The following RENBP variants were observed in gnomAD, a reference collection of about 807,000 sequenced individuals.
RENBP encodes the protein N-acylglucosamine 2-epimerase.
A neutral mutation model predicts 37.8 loss-of-function variants in RENBP; 16 were observed. The ratio of observed to expected loss-of-function variants is 0.42; its 90% CI spans 0.29 to 0.64. The LOEUF (loss-of-function observed/expected upper bound fraction) is 0.64, where lower values mean the gene tolerates loss of function less well. Among genes scored for constraint, RENBP ranks in the 30% least tolerant of loss-of-function variants. The pLI, the probability that RENBP is intolerant of heterozygous loss-of-function variation, is 0.19. For synonymous variants in RENBP, 170 were observed against 154.8 expected (o/e 1.10, Z -0.73); for missense variants, 347 against 379.5 (o/e 0.91, Z 0.71).
intron 9 of RENBP, 116 bp from the exon 10 acceptor site, chrX:153,935,692 C>A: frequency 1.8e-6 from 1 of 551,354 alleles, no homozygotes; most frequent in Non-Finnish European, 3.1e-6. Flanking sequence ...CCAGAACCAG[C>A]GATCTTAACC....
Position 153,942,891 on chromosome X carries a change from C to T in RENBP, c.651G>A (p.Gly217=). The T allele has an allele frequency of 8.3e-7, 1 of 1,211,146 alleles. No homozygotes were observed. The highest frequency in any genetic ancestry group is 1.1e-6 in the Non-Finnish European group (1 of 895,107). ...EELAGKYAEL[G]DWCARRILQH... is the part of the protein sequence containing the mutation. ...GCAGAATCCTCCGGGCGCACCAGTC[C>T]CCCAGCTCTGCGTATTTGCCCGCCA... Residue 217 remains glycine, a synonymous_variant, in exon 6 of 11, where the codon GGG becomes GGA. Coordinates refer to ENST00000393700, the MANE Select transcript of RENBP (RefSeq NM_002910.6).
In RENBP at chrX:153,944,624, C is replaced by T. The variant is rs1258290058; in HGVS notation, c.-14G>A. On this transcript the variant is annotated 5_prime_UTR_variant, in exon 1 of 11. Coordinates refer to ENST00000393700, the MANE Select transcript of RENBP (RefSeq NM_002910.6). ...ACCCTTGCTCATCCCTCCTGCTCCT[C>T]TAGGAAGCCAGACAGAGTTGGTCGC... The T allele has an allele frequency of 3.4e-6, 4 of 1,163,663 alleles. No homozygotes were observed. Among genetic ancestry groups the T allele is most frequent in the African/African-American group, 3.6e-5 (2 of 55,412 alleles).
intron 9 of RENBP, among the ~76,000 whole-genome samples, chrX:153,938,212 G>A (rs1299900593): frequency 8.9e-6 from 1 of 112,294 alleles, no homozygotes; most frequent in Non-Finnish European, 1.9e-5. Context: ...AAGTAGTGAC[G>A]AATATATGTG....
At position 153,943,615 on chromosome X, in the gene RENBP, G is replaced by A; in HGVS notation, c.393C>T (p.Ile131=). The A allele has an allele frequency of 8.3e-7, 1 of 1,211,690 alleles. No individual in the cohort carries two copies. Among genetic ancestry groups the A allele is most frequent in the South Asian group, 1.8e-5 (1 of 57,037 alleles). ...CCATGGTGTAGAAACACTCACTGAA[G>A]ATGGTTCGCTGCACCTTGACCGGGC... is the stretch of plus-strand genomic sequence containing the variant. ...DGRPVKVQRT[I]FSECFYTMAM... is the part of the protein sequence containing the mutation. Residue 131 remains isoleucine (I), a synonymous_variant, in exon 5 of 11, where the codon ATC becomes ATT. Transcript: ENST00000393700.
rs1557109517 is a variant in RENBP at position 153,941,566 on chromosome X, A to T, written c.857T>A (p.Phe286Tyr). Residue 286 changes from phenylalanine to tyrosine, a missense_variant, in exon 8 of 11, where the codon TTC (phenylalanine) becomes TAC (tyrosine). Physicochemically the swap from Phe to Tyr is conservative, Grantham distance 22. Transcript: ENST00000393700. ...PELRAHVIDK[F>Y]LLLPFHSGWD... is the part of the protein sequence containing the mutation. ...TCCGGAGTGGAAGGGCAACAATAGG[A>T]ACTTGTCAATCACGTGGGCTCGAAG... The T allele has an allele frequency of 8.3e-7, 1 of 1,209,873 alleles. No homozygotes were observed. Among genetic ancestry groups the T allele is most frequent in the South Asian group, 1.8e-5 (1 of 56,898 alleles).
chrX:153,941,926 C>CCCG, intron 7 of RENBP, 24 bp downstream of exon 7: 3 of 680,611 alleles, frequency 4.4e-6, no homozygotes, highest in Non-Finnish European at 7.3e-6. Flanking sequence ...TCCTGGGTGG[C>CCCG]CCCCAGCCCA....
At chrX:153,937,256 T>C (rs2065207715) in intron 9 of RENBP, 1 of 112,641 alleles carries the variant, frequency 8.9e-6, no homozygotes, top group Non-Finnish European at 1.8e-5. Flanking sequence ...ACTAGTTCTG[T>C]GTGTATTCAT....
intron 7 of RENBP, 106 bp downstream of exon 7, chrX:153,941,831 TCCTCGCTCCTCTG>T (rs1262690697): frequency 8.7e-5 from 67 of 772,692 alleles, no homozygotes; most frequent in Non-Finnish European, 1.3e-4. Context: ...GGGAAGCCCA[TCCTCGCTCCTCTG>T]CCTCCTCAAG....
At chrX:153,941,769 T>A in intron 7 of RENBP, 116 bp from the exon 8 acceptor site, 1 of 742,126 alleles carries the variant, frequency 1.3e-6, no homozygotes, top group Non-Finnish European at 2.0e-6. Flanking sequence ...TGAGCGAGGC[T>A]CTGAGCTCCC....
rs781926720 is a variant in RENBP at position 153,940,177 on chromosome X, G to A, written c.1002C>T (p.Leu334=). The A allele has an allele frequency of 3.3e-6, 4 of 1,211,132 alleles. No individual in the cohort carries two copies. Among genetic ancestry groups the A allele is most frequent in the Admixed American group, 2.2e-5 (1 of 45,973 alleles). Residue 334 remains leucine (L), a synonymous_variant, in exon 9 of 11, where the codon CTC becomes CTT. Transcript: ENST00000393700. ...GGTCCCCACTGTCACTGTAACCCAT[G>A]AGGAAGGCAATCATGGCTTCACTGT... is the stretch of plus-strand genomic sequence containing the variant. The part of the protein sequence containing the change: ...WPHSEAMIAF[L]MGYSDSGDPV...
chrX:153,943,032 C>G lies in RENBP; in HGVS notation c.510G>C (p.Glu170Asp). 8.4e-7 allele frequency: 1 copy of G among 1,195,440 alleles called. No homozygotes were observed. Among genetic ancestry groups the G allele is most frequent in the Non-Finnish European group, 1.1e-6 (1 of 886,380 alleles). Residue 170 changes from glutamate to aspartate, a missense_variant, in exon 6 of 11, where the codon GAG becomes GAC. Transcript: ENST00000393700. ...MMDQIVHWVQ[E>D]DASGLGRPQL... The stretch of plus-strand genomic sequence containing the variant: ...GGGGCCGGCCCAGTCCCGACGCGTC[C>G]TCCTGCACCCAGTGGACGATCTGAT...
chrX:153,940,342 A>T, intron 8 of RENBP, 109 bp from the exon 9 acceptor site: 1 of 994,247 alleles, frequency 1.0e-6, no homozygotes. Flanking sequence ...ATTGCGGGAC[A>T]TCTTTGGAAG....
In RENBP at chrX:153,944,565, CA is replaced by C. The variant is rs1569546474; in HGVS notation, c.27+18del. On this transcript the variant is annotated intron_variant, in intron 1 of 10. Coordinates refer to ENST00000393700, the MANE Select transcript of RENBP (RefSeq NM_002910.6). Reference sequence around the variant, plus strand: ...GGACCCTCCAAGACAGCACTCCCCCCAAGCACCCCACCACTGGCCTGTCGCG... The same window carrying C: ...GGACCCTCCAAGACAGCACTCCCCCCAGCACCCCACCACTGGCCTGTCGCG... 8.6e-7 allele frequency: 1 copy of C among 1,167,418 alleles called. No homozygotes were observed. Among genetic ancestry groups the C allele is most frequent in the African/African-American group, 1.8e-5 (1 of 55,399 alleles).
chrX:153,935,606 G>C (rs782308917), intron 9 of RENBP, 30 bp from the exon 10 acceptor site: 3 of 1,143,267 alleles, frequency 2.6e-6, no homozygotes, highest in Non-Finnish European at 3.6e-6. Context: ...GACAGCTAGC[G>C]CCTGCAGGAC....
intron 9 of RENBP, 88 bp downstream of exon 9, chrX:153,940,014 G>A (rs1569546429): frequency 2.8e-6 from 3 of 1,077,532 alleles, no homozygotes; most frequent in Non-Finnish European, 3.8e-6. Context: ...GAGCGACTGT[G>A]CTCAGCGAGG....
At chrX:153,942,230 G>T (rs868943273) in intron 6 of RENBP, 199 bp from the exon 7 acceptor site, 584 of 95,323 alleles carry the variant, frequency 6.1e-3, no homozygotes, top group East Asian at 0.015. Flanking sequence ...GCAAGTTGTT[G>T]TTTTTTTTTT....
Position 153,941,857 on chromosome X carries a change from G to A in RENBP, c.769+93C>T, listed in dbSNP as rs1021719747. On this transcript the variant is annotated intron_variant, in intron 7 of 10. Coordinates refer to ENST00000393700, the MANE Select transcript of RENBP (RefSeq NM_002910.6). The stretch of plus-strand genomic sequence containing the variant: ...CCTCGCTCCTCTGCCTCCTCAAGGC[G>A]CCCCCGCCAGGCACTCCCATATCTG... 5.3e-5 allele frequency: 46 copies of A among 867,894 alleles called. No individual in the cohort carries two copies. In the South Asian group the frequency reaches 8.9e-4, roughly 17 times the overall value. The allele number at this position is 867,894 out of a possible 1,213,427, so 71.5% of individuals were successfully genotyped here.
chrX:153,937,685 C>T (rs1287195508), intron 9 of RENBP, among the ~76,000 whole-genome samples: 1 of 109,407 alleles, frequency 9.1e-6, no homozygotes, highest in African/African-American at 3.3e-5. Flanking sequence ...GAGTGCTTCC[C>T]GGGTTCAAGT....
chrX:153,941,968 C>T lies in RENBP; in HGVS notation c.751G>A (p.Gly251Arg). 1 of 1,190,837 alleles carries T rather than the reference C, an allele frequency of 8.4e-7. No individual in the cohort carries two copies. The highest frequency in any genetic ancestry group is 1.8e-5 in the African/African-American group (1 of 56,868). The change falls in exon 7 of 11, where the codon GGG (glycine) becomes AGG (arginine). Residue 251 changes from glycine (G) to arginine (R), a missense_variant. By Grantham distance (125) the Gly-to-Arg change is moderately radical. Around this residue, in one of 3 missense-constraint regions of RENBP, gnomAD observed 244 missense variants for 279.4 expected, o/e 0.87. Transcript: ENST00000393700. ...EGGKELPGCL[G>R]RQQNPGHTLE... ...CCCTCACCTGGGTTCTGCTGTCTCC[C>T]CAGGCAGCCAGGAAGTTCCTTGCCA...
Sources: allele counts gnomAD v4.1 joint callset (sites outside exome capture counted in the v4.1 genomes callset), GRCh38; gene constraint gnomAD v4.1.1; regional missense constraint gnomAD v4.1.1; transcripts MANE v1.5; gene names NCBI Gene and HGNC (gene_info 2026-07-23, HGNC 2026-07-21).